SRGAP3: variants seen among roughly 807,000 people sequenced by gnomAD.
The protein encoded by SRGAP3 is SLIT-ROBO Rho GTPase-activating protein 3.
Under a neutral mutation model 121.1 loss-of-function variants are expected in SRGAP3, and 39 were observed. That is an observed-to-expected ratio of 0.32 (90% CI 0.25 to 0.42). The LOEUF (loss-of-function observed/expected upper bound fraction) is 0.42. SRGAP3 is among the 10% of genes least tolerant of loss of function. The pLI is 1.00. For synonymous variants in SRGAP3, 601 were observed against 570.0 expected, an observed-to-expected ratio of 1.05 and a Z score of -0.77; for missense variants, 1,213 against 1,470.6, an observed-to-expected ratio of 0.82 and a Z score of 2.86.
rs1193782911 is a variant in SRGAP3, at chr3:8,990,738, G to A, written c.2660C>T (p.Pro887Leu). The A allele has an allele frequency of 6.2e-7, 1 of 1,611,324 alleles. No individual in the cohort carries two copies. Among genetic ancestry groups the A allele is most frequent in the Non-Finnish European group, 8.5e-7 (1 of 1,179,326 alleles). ...GCTGCTGGGGCAGGCAGCAGCCCGG[G>A]GTGGTGTGTCTATGCTGGGGCCCAG... is the stretch of plus-strand genomic sequence containing the variant. Reference protein sequence around the residue: ...RGLGPSIDTPPRAAACPSSPH... With the variant: ...RGLGPSIDTPLRAAACPSSPH... The change falls in exon 21 of 22, where the codon CCC (proline) becomes CTC (leucine). Residue 887 changes from proline (P) to leucine (L), a missense_variant. By Grantham distance (98) the Pro-to-Leu change is moderately conservative. This residue lies in a region of SRGAP3 where 420 missense variants were observed against 437.7 expected (regional missense o/e 0.96). Coordinates refer to ENST00000383836, the MANE Select transcript of SRGAP3 (RefSeq NM_014850.4).
At chr3:9,002,869 CA>C (rs1326423170) in intron 18 of SRGAP3, among the ~76,000 whole-genome samples, 2 of 151,780 alleles carry the variant, frequency 1.3e-5, no homozygotes, top group Non-Finnish European at 2.9e-5. Flanking sequence ...TAGAAAGAAA[CA>C]AACTATTGAA....
At chr3:9,190,788 C>T (rs116838039) in intron 1 of SRGAP3, among the ~76,000 whole-genome samples, 5,064 of 152,200 alleles carry the variant, frequency 0.033, 112 homozygotes, top group Non-Finnish European at 0.052. Context: ...TAAGGGTGGC[C>T]CCCTGGAAAC....
At chr3:9,283,647 A>C (rs1208399964) in intron 3 of SRGAP3, among the ~76,000 whole-genome samples, 1 of 152,214 alleles carries the variant, frequency 6.6e-6, no homozygotes, top group Non-Finnish European at 1.5e-5. Context: ...TTTCTGCTAA[A>C]TACCCAAGCT....
chr3:9,152,618 G>A (rs1021350726), intron 1 of SRGAP3, among the ~76,000 whole-genome samples: 2 of 152,162 alleles, frequency 1.3e-5, no homozygotes, highest in African/African-American at 2.4e-5. Context: ...CCTGAGAGAC[G>A]AGCAGTGTGG....
chr3:9,137,294 C>A (rs982993377), intron 1 of SRGAP3, among the ~76,000 whole-genome samples: 4 of 152,200 alleles, frequency 2.6e-5, no homozygotes, highest in East Asian at 3.9e-4. Flanking sequence ...AGGCTTAGAA[C>A]AGAGAATCAA....
intron 3 of SRGAP3, among the ~76,000 whole-genome samples, chr3:9,283,246 G>T (rs1211603070): frequency 1.3e-5 from 2 of 152,144 alleles, no homozygotes; most frequent in East Asian, 3.8e-4. Context: ...CAGGCTGGTA[G>T]TTTCTTAAAG....
chr3:9,145,495 G>C (rs796606995), intron 1 of SRGAP3, among the ~76,000 whole-genome samples: 2 of 152,200 alleles, frequency 1.3e-5, no homozygotes, highest in African/African-American at 4.8e-5. Flanking sequence ...CCTAAGACAT[G>C]GCTAACCTAG....
At chr3:9,250,659 A>T (rs982573507), upstream of SRGAP3, among the ~76,000 whole-genome samples, 1 of 152,200 alleles carries the variant, frequency 6.6e-6, no homozygotes, top group Non-Finnish European at 1.5e-5. Flanking sequence ...AATAAACAGT[A>T]GCAACTGTTA....
At chr3:9,346,002 A>G (rs374769701) in intron 1 of SRGAP3, among the ~76,000 whole-genome samples, 4 of 152,232 alleles carry the variant, frequency 2.6e-5, no homozygotes, top group East Asian at 1.9e-4. Flanking sequence ...ATTTTTACAT[A>G]TGACTTAAGT....
chr3:9,148,787 C>A (rs905621840), intron 1 of SRGAP3, among the ~76,000 whole-genome samples: 2 of 152,208 alleles, frequency 1.3e-5, no homozygotes, highest in African/African-American at 4.8e-5. Context: ...TCTGGAAGAG[C>A]AATTCTGCTT....
chr3:9,028,048 A>G, intron 12 of SRGAP3: 1 of 1,610,756 alleles, frequency 6.2e-7, no homozygotes, highest in Non-Finnish European at 8.5e-7. Context: ...GTCAGCACTA[A>G]AGACAGTTTC....
intron 1 of SRGAP3, among the ~76,000 whole-genome samples, chr3:9,357,657 G>T (rs1376944394): frequency 1.3e-5 from 2 of 151,136 alleles, no homozygotes; most frequent in Non-Finnish European, 2.9e-5. Flanking sequence ...GCCTTTGCAA[G>T]GAACAGTGTC....
intron 2 of SRGAP3, among the ~76,000 whole-genome samples, chr3:9,111,590 T>C (rs1376709359): frequency 6.6e-6 from 1 of 152,114 alleles, no homozygotes; most frequent in Non-Finnish European, 1.5e-5. Flanking sequence ...ACAATGGGAC[T>C]GCAGGAGGGA....
chr3:9,192,852 C>A (rs901542192), intron 1 of SRGAP3: 1 of 152,266 alleles, frequency 6.6e-6, no homozygotes, highest in Admixed American at 6.5e-5. Flanking sequence ...TAACTCCAGG[C>A]TCTAACCTGG....
chr3:9,032,622 G>A (rs746169220), intron 12 of SRGAP3, 28 bp downstream of exon 12: 16 of 1,602,128 alleles, frequency 1.0e-5, no homozygotes, highest in African/African-American at 4.0e-5. Flanking sequence ...GGGTGCATTC[G>A]CGGACTCCAC....
intron 14 of SRGAP3, among the ~76,000 whole-genome samples, chr3:9,024,119 A>G (rs1004433976): frequency 5.9e-5 from 9 of 152,224 alleles, no homozygotes; most frequent in Non-Finnish European, 1.2e-4. Flanking sequence ...CTCAGAGTAC[A>G]GCCAACAGGG....
chr3:9,042,409 A>G (rs759672485), intron 10 of SRGAP3, among the ~76,000 whole-genome samples: 1 of 150,802 alleles, frequency 6.6e-6, no homozygotes, highest in Non-Finnish European at 1.5e-5. Flanking sequence ...AAAGACTTTT[A>G]GAAGAAAGAA....
intron 15 of SRGAP3, among the ~76,000 whole-genome samples, chr3:9,015,237 C>G (rs564071029): frequency 6.6e-6 from 1 of 152,256 alleles, no homozygotes; most frequent in South Asian, 2.1e-4. Flanking sequence ...CATGCACAGG[C>G]TGGGACACCC....
At chr3:9,123,338 A>G (rs1182767431) in intron 2 of SRGAP3, among the ~76,000 whole-genome samples, 1 of 151,890 alleles carries the variant, frequency 6.6e-6, no homozygotes, top group African/African-American at 2.4e-5. Context: ...AAAATGGTAA[A>G]TTTTATATTA....
Sources: allele counts gnomAD v4.1 joint callset (sites outside exome capture counted in the v4.1 genomes callset), GRCh38; gene constraint gnomAD v4.1.1; regional missense constraint gnomAD v4.1.1; transcripts MANE v1.5; gene names NCBI Gene and HGNC (gene_info 2026-07-23, HGNC 2026-07-21).